Variants in FNDC3B observed in about 807,000 individuals in gnomAD.
FNDC3B encodes fibronectin type III domain containing 3B.
Under a neutral mutation model 151.5 loss-of-function variants are expected in FNDC3B, and 12 were observed. The observed-to-expected ratio is 0.08, with a 90% CI of 0.05 to 0.13. The LOEUF (loss-of-function observed/expected upper bound fraction) is 0.13. Ranked by LOEUF, FNDC3B falls within the 10% of genes least tolerant of loss-of-function variation. FNDC3B has a pLI of 1.00. For missense variants in FNDC3B, 1,214 were observed against 1,505.3 expected (o/e 0.81, Z 3.20); for synonymous variants, 528 against 549.0 (o/e 0.96, Z 0.54).
rs1721044835 is a variant in FNDC3B at position 172,130,761 on chromosome 3, G to A, written c.112-2710G>A. Among the ~76,000 whole-genome samples the A allele has an allele frequency of 5.3e-5, 8 of 152,198 alleles. No individual in the cohort carries two copies. The South Asian group carries it at 1.7e-3, about 31-fold the overall frequency. ...TCTGAACCGGTATTCAGGGCACATT[G>A]TCTGACAATTATGAGCGTGGTAGAA... is the stretch of plus-strand genomic sequence containing the variant. On this transcript the variant is annotated intron_variant, in intron 2 of 25. Transcript: ENST00000415807.
At chr3:172,394,106 T>TAAAAAAA (rs60559371) in intron 25 of FNDC3B, among the ~76,000 whole-genome samples, 600 of 16,648 alleles carry the variant, frequency 0.036, 133 homozygotes, top group African/African-American at 0.046. Context: ...AGACTCCTTC[T>TAAAAAAA]AAAAAAAAAA....
chr3:172,054,035 CT>C (rs1030081681), intron 1 of FNDC3B, among the ~76,000 whole-genome samples: 1 of 152,148 alleles, frequency 6.6e-6, no homozygotes, highest in African/African-American at 2.4e-5. Context: ...AAAGGGAGTC[CT>C]TTTACTCACT....
At chr3:172,360,397 AGT>A (rs1394329486) in intron 22 of FNDC3B, among the ~76,000 whole-genome samples, 1 of 152,134 alleles carries the variant, frequency 6.6e-6, no homozygotes, top group Non-Finnish European at 1.5e-5. Flanking sequence ...TCCAGTCTCT[AGT>A]TATTTTCATT....
rs1350378137 is a variant in FNDC3B, at chr3:172,304,265, G to T, written c.1062-3098G>T. 2.6e-5 allele frequency among the ~76,000 whole-genome samples: 4 copies of T among 152,200 alleles called. No individual in the cohort carries two copies. In the East Asian group the frequency reaches 7.7e-4, roughly 29 times the overall value. ...CCAGACAACTGACTGCATCCTGCTA[G>T]TACTTTGCAGGCTGTTTCCCTGCCT... On this transcript the variant is annotated intron_variant, in intron 9 of 25. Coordinates refer to ENST00000415807, the MANE Select transcript of FNDC3B (RefSeq NM_022763.4).
intron 2 of FNDC3B, among the ~76,000 whole-genome samples, chr3:172,116,553 A>T (rs1196387508): frequency 6.6e-6 from 1 of 151,550 alleles, no homozygotes; most frequent in African/African-American, 2.4e-5. Flanking sequence ...TGTGTCTGGC[A>T]TCTTTCACCC....
intron 20 of FNDC3B, among the ~76,000 whole-genome samples, chr3:172,346,935 C>A (rs1473747704): frequency 6.6e-6 from 1 of 152,120 alleles, no homozygotes; most frequent in African/African-American, 2.4e-5. Flanking sequence ...AACTCCTTAT[C>A]TTAGGCAATC....
At chr3:172,215,945 G>GGTTGCC (rs879777759) in intron 3 of FNDC3B, among the ~76,000 whole-genome samples, 3,748 of 152,136 alleles carry the variant, frequency 0.025, 70 homozygotes, top group Middle Eastern at 0.058. Context: ...ATACCACTAG[G>GGTTGCC]AGTCATGCTC....
chr3:172,241,775 C>T (rs1487089398), intron 4 of FNDC3B, among the ~76,000 whole-genome samples: 2 of 152,172 alleles, frequency 1.3e-5, no homozygotes, highest in Non-Finnish European at 2.9e-5. Flanking sequence ...CCTGGCCCCT[C>T]CCAAATCTCA....
intron 14 of FNDC3B, among the ~76,000 whole-genome samples, chr3:172,334,164 T>C (rs1732829977): frequency 6.6e-6 from 1 of 152,226 alleles, no homozygotes; most frequent in Non-Finnish European, 1.5e-5. Context: ...AATTATCAAG[T>C]GCAGTGTGTG....
rs186501132 is a variant in FNDC3B, at chr3:172,255,926, C to A, written c.790+4385C>A. Among the ~76,000 whole-genome samples, 6 of 152,306 alleles carry A rather than the reference C, an allele frequency of 3.9e-5. No individual in the cohort carries two copies. In the East Asian group the frequency reaches 1.2e-3, roughly 29 times the overall value. On this transcript the variant is annotated intron_variant, in intron 6 of 25. Coordinates refer to ENST00000415807, the MANE Select transcript of FNDC3B (RefSeq NM_022763.4). ...TACGTTTCTTAGGATTTTCTTTGCT[C>A]CCTCTGAACCTTAAGAGACTGCCCA...
intron 11 of FNDC3B, 185 bp downstream of exon 11, chr3:172,311,066 T>C (rs1035234299): frequency 8.7e-6 from 5 of 576,998 alleles, no homozygotes; most frequent in African/African-American, 7.5e-5. Flanking sequence ...TATTATGAGT[T>C]GTGTATTGAA....
intron 21 of FNDC3B, among the ~76,000 whole-genome samples, chr3:172,349,498 T>A (rs2108319821): frequency 6.6e-6 from 1 of 152,240 alleles, no homozygotes; most frequent in South Asian, 2.1e-4. Flanking sequence ...AAACTGTTAA[T>A]AAAAAGTGGT....
At chr3:172,188,153 G>A (rs971099467) in intron 3 of FNDC3B, among the ~76,000 whole-genome samples, 4 of 151,422 alleles carry the variant, frequency 2.6e-5, no homozygotes, top group African/African-American at 4.9e-5. Flanking sequence ...GTGCCACCAC[G>A]CCCGGCTAAT....
chr3:172,349,828 G>T (rs1733777572), intron 21 of FNDC3B, among the ~76,000 whole-genome samples: 2 of 151,984 alleles, frequency 1.3e-5, no homozygotes, highest in Admixed American at 1.3e-4. Flanking sequence ...ACTAATTTTT[G>T]TATTTTTAGT....
At chr3:172,292,671 A>C (rs1222210711) in intron 7 of FNDC3B, among the ~76,000 whole-genome samples, 1 of 152,190 alleles carries the variant, frequency 6.6e-6, no homozygotes, top group Non-Finnish European at 1.5e-5. Flanking sequence ...GCAGCCACTT[A>C]TCACCTTGGC....
At chr3:172,128,681 G>A (rs1176574531) in intron 2 of FNDC3B, among the ~76,000 whole-genome samples, 1 of 152,168 alleles carries the variant, frequency 6.6e-6, no homozygotes, top group Non-Finnish European at 1.5e-5. Flanking sequence ...AGGTATTCCT[G>A]GCTAGAATCC....
intron 22 of FNDC3B, among the ~76,000 whole-genome samples, chr3:172,355,810 CTCT>C (rs1291528512): frequency 5.3e-5 from 8 of 152,142 alleles, no homozygotes; most frequent in Non-Finnish European, 5.9e-5. Flanking sequence ...TGCCTCCAAC[CTCT>C]TCTTTAAATG....
chr3:172,170,365 G>C (rs2108633776), intron 3 of FNDC3B, among the ~76,000 whole-genome samples: 2 of 152,330 alleles, frequency 1.3e-5, no homozygotes, highest in Middle Eastern at 6.8e-3. Context: ...GGCTCTTCTT[G>C]GGCCAAAGCA....
chr3:172,338,541 A>C (rs773509369), intron 16 of FNDC3B, among the ~76,000 whole-genome samples: 2 of 152,134 alleles, frequency 1.3e-5, no homozygotes, highest in African/African-American at 2.4e-5. Flanking sequence ...GTTACTATTC[A>C]TACTGGGTGG....
Sources: allele counts gnomAD v4.1 joint callset (sites outside exome capture counted in the v4.1 genomes callset), GRCh38; gene constraint gnomAD v4.1.1; transcripts MANE v1.5; gene names NCBI Gene and HGNC (gene_info 2026-07-23, HGNC 2026-07-21).